Variants in LINGO2 observed in about 807,000 individuals in gnomAD.
The protein encoded by LINGO2 is leucine rich repeat and Ig domain containing 2, also known as leucine-rich repeat and immunoglobulin-like domain-containing nogo receptor-interacting protein 2.
In LINGO2, 14 loss-of-function variants were observed where a neutral mutation model predicts 30.6. The ratio of observed to expected loss-of-function variants is 0.46; its 90% CI spans 0.30 to 0.72. LINGO2 has a LOEUF of 0.72. LINGO2 is among the 30% of genes least tolerant of loss of function. The pLI is 0.07. For missense variants in LINGO2, 729 were observed against 751.7 expected (o/e 0.97, Z 0.35); for synonymous variants, 317 against 288.5 (o/e 1.10, Z -1.00).
intron 4 of LINGO2, among the ~76,000 whole-genome samples, chr9:28,026,868 C>G (rs1823403211): frequency 6.6e-6 from 1 of 152,080 alleles, no homozygotes; most frequent in South Asian, 2.1e-4. Context: ...TAAACTTTGC[C>G]CTTGTCTAAA....
chr9:28,848,153 T>C, the LINGO2 span, among the ~76,000 whole-genome samples: 1 of 102,310 alleles, frequency 9.8e-6, no homozygotes, highest in African/African-American at 4.9e-5. Context: ...ATACTATATA[T>C]ACGCATATAT....
chr9:28,766,679 T>G, the LINGO2 span, among the ~76,000 whole-genome samples: 1 of 151,930 alleles, frequency 6.6e-6, no homozygotes, highest in African/African-American at 2.4e-5. Context: ...ACCTACATGT[T>G]TGTCCATGAA....
the LINGO2 span, among the ~76,000 whole-genome samples, chr9:28,730,527 T>C: frequency 6.6e-6 from 1 of 152,162 alleles, no homozygotes; most frequent in Non-Finnish European, 1.5e-5. Flanking sequence ...AGCTACAGAA[T>C]GGGAGAAATG....
chr9:28,050,990 T>C (rs1824646048), intron 4 of LINGO2, among the ~76,000 whole-genome samples: 1 of 151,024 alleles, frequency 6.6e-6, no homozygotes, highest in Non-Finnish European at 1.5e-5. Flanking sequence ...GAAGTATAGA[T>C]GAAATACAAG....
the LINGO2 span, among the ~76,000 whole-genome samples, chr9:29,150,604 C>T: frequency 5.3e-5 from 8 of 152,098 alleles, no homozygotes; most frequent in Admixed American, 1.3e-4. Context: ...GAAAAATTCA[C>T]GGCAAGAACT....
chr9:29,083,902 C>T, the LINGO2 span, among the ~76,000 whole-genome samples: 1 of 152,030 alleles, frequency 6.6e-6, no homozygotes, highest in Admixed American at 6.6e-5. Context: ...TAGGAAGTCT[C>T]ATAGTAGGTA....
intron 2 of LINGO2, among the ~76,000 whole-genome samples, chr9:28,428,688 C>G (rs1052705589): frequency 6.6e-6 from 1 of 152,098 alleles, no homozygotes; most frequent in African/African-American, 2.4e-5. Flanking sequence ...ATGGTGGGTT[C>G]AGACGTAGTT....
chr9:29,050,224 C>T, the LINGO2 span, among the ~76,000 whole-genome samples: 1 of 152,130 alleles, frequency 6.6e-6, no homozygotes, highest in African/African-American at 2.4e-5. Context: ...TGGGGTTTCA[C>T]CATGTTGGCC....
intron 1 of LINGO2, among the ~76,000 whole-genome samples, chr9:28,630,269 A>G (rs995448017): frequency 6.6e-6 from 1 of 152,150 alleles, no homozygotes; most frequent in African/African-American, 2.4e-5. Context: ...ATTCAAATGA[A>G]TGCATCATCA....
chr9:28,519,458 G>A (rs907495490), intron 1 of LINGO2, among the ~76,000 whole-genome samples: 1 of 151,956 alleles, frequency 6.6e-6, no homozygotes, highest in African/African-American at 2.4e-5. Context: ...TTTTGGAAAC[G>A]CTGAGCTATA....
At chr9:28,102,791 G>A (rs1416985382) in intron 4 of LINGO2, among the ~76,000 whole-genome samples, 1 of 152,112 alleles carries the variant, frequency 6.6e-6, no homozygotes, top group African/African-American at 2.4e-5. Context: ...ACAATAGCTT[G>A]TACCTACTAT....
At chr9:28,570,718 G>A (rs528186497) in intron 1 of LINGO2, among the ~76,000 whole-genome samples, 1 of 151,736 alleles carries the variant, frequency 6.6e-6, no homozygotes, top group African/African-American at 2.4e-5. Flanking sequence ...TACTACCCAT[G>A]TCTTTTTTGG....
At chr9:28,548,303 T>C (rs1240207972) in intron 1 of LINGO2, among the ~76,000 whole-genome samples, 1 of 152,098 alleles carries the variant, frequency 6.6e-6, no homozygotes, top group Non-Finnish European at 1.5e-5. Context: ...ATTCCCATAG[T>C]AGACAAGGTT....
chr9:29,056,606 T>G, the LINGO2 span, among the ~76,000 whole-genome samples: 141 of 152,122 alleles, frequency 9.3e-4, no homozygotes, highest in African/African-American at 3.2e-3. Flanking sequence ...AGTCTCATCC[T>G]TTTATCTTTG....
At chr9:28,524,568 C>T (rs1820945087) in intron 1 of LINGO2, among the ~76,000 whole-genome samples, 1 of 152,100 alleles carries the variant, frequency 6.6e-6, no homozygotes. Flanking sequence ...GTCTGGCCAA[C>T]ATGGTGAAAC....
chr9:28,149,381 C>T, intron 4 of LINGO2: 1 of 419,742 alleles, frequency 2.4e-6, no homozygotes, highest in Non-Finnish European at 4.3e-6. Context: ...GCGCCTCTGC[C>T]AGGCTGCTCC....
At chr9:28,222,099 T>A (rs1421208229) in intron 4 of LINGO2, among the ~76,000 whole-genome samples, 1 of 152,130 alleles carries the variant, frequency 6.6e-6, no homozygotes, top group Non-Finnish European at 1.5e-5. Context: ...AATAAAAAAA[T>A]TATAGAACAA....
intron 2 of LINGO2, among the ~76,000 whole-genome samples, chr9:28,435,017 C>T (rs1449941818): frequency 6.6e-6 from 1 of 152,036 alleles, no homozygotes; most frequent in African/African-American, 2.4e-5. Flanking sequence ...AAAAAAAATT[C>T]CCTGTGAAAA....
At chr9:28,703,448 T>G in the LINGO2 span, among the ~76,000 whole-genome samples, 1 of 151,966 alleles carries the variant, frequency 6.6e-6, no homozygotes, top group African/African-American at 2.4e-5. Flanking sequence ...TATTTCTAAC[T>G]TAATTTCACT....
Sources: gnomAD v4.1 joint callset for allele counts (sites outside exome capture counted in the v4.1 genomes callset) on GRCh38, gnomAD v4.1.1 for gene constraint, MANE v1.5 for transcripts, NCBI Gene and HGNC (gene_info 2026-07-23, HGNC 2026-07-21) for gene names.